The following ATRNL1 variants were observed in gnomAD, a reference collection of about 807,000 sequenced individuals.
The protein encoded by ATRNL1 is attractin like 1, also known as attractin-like protein 1.
Under a neutral mutation model 182.7 loss-of-function variants are expected in ATRNL1, and 95 were observed. That is an observed-to-expected ratio of 0.52 (90% confidence interval 0.44 to 0.62). ATRNL1 has a LOEUF of 0.62. Among genes scored for constraint, ATRNL1 ranks in the 20% least tolerant of loss-of-function variants. The pLI, the probability that ATRNL1 is intolerant of heterozygous loss-of-function variation, is 0.00. For missense variants in ATRNL1, 1,471 were observed against 1,679.5 expected, an observed-to-expected ratio of 0.88 and a Z score of 2.17; for synonymous variants, 576 against 568.3, an observed-to-expected ratio of 1.01 and a Z score of -0.19.
chr10:115,766,117 A>C (rs1948854298), intron 27 of ATRNL1, among the ~76,000 whole-genome samples: 1 of 152,162 alleles, frequency 6.6e-6, no homozygotes, highest in Admixed American at 6.5e-5. Flanking sequence ...TTTGTTTCCT[A>C]CTGTAACCCT....
intron 6 of ATRNL1, 91 bp downstream of exon 6, chr10:115,160,305 G>C (rs1846722229): frequency 7.8e-7 from 1 of 1,288,414 alleles, no homozygotes; most frequent in Non-Finnish European, 1.1e-6. Flanking sequence ...GAGAGTAAAA[G>C]TGGTTATTTT....
chr10:115,483,777 AG>A (rs1349877677), intron 24 of ATRNL1, among the ~76,000 whole-genome samples: 1 of 151,674 alleles, frequency 6.6e-6, no homozygotes, highest in African/African-American at 2.4e-5. Flanking sequence ...TGATTTTTAA[AG>A]CATTTTATAT....
intron 28 of ATRNL1, among the ~76,000 whole-genome samples, chr10:115,865,715 C>A (rs1951425274): frequency 6.6e-6 from 1 of 152,074 alleles, no homozygotes. Flanking sequence ...AAGTTGCAGA[C>A]CTGATTTTAG....
chr10:115,811,591 C>A (rs1950048027), intron 27 of ATRNL1, among the ~76,000 whole-genome samples: 1 of 151,896 alleles, frequency 6.6e-6, no homozygotes, highest in Non-Finnish European at 1.5e-5. Flanking sequence ...TTATTTATTT[C>A]TTCTGTATAT....
At chr10:115,664,526 C>T (rs1555039104) in intron 26 of ATRNL1, among the ~76,000 whole-genome samples, 2 of 151,978 alleles carry the variant, frequency 1.3e-5, no homozygotes, top group Non-Finnish European at 2.9e-5. Flanking sequence ...TGTCCTATCA[C>T]GGTGTATAAA....
intron 27 of ATRNL1, among the ~76,000 whole-genome samples, chr10:115,828,258 G>A (rs186873873): frequency 2.0e-4 from 30 of 151,940 alleles, no homozygotes; most frequent in Non-Finnish European, 2.8e-4. Context: ...CAGAGGTTGC[G>A]GTGAGCCGAA....
At chr10:115,109,507 A>G (rs1844169208) in intron 1 of ATRNL1, among the ~76,000 whole-genome samples, 2 of 152,174 alleles carry the variant, frequency 1.3e-5, no homozygotes. Flanking sequence ...CATTCCTGCA[A>G]TAACAGCATT....
At chr10:115,296,248 A>G (rs572202925) in intron 15 of ATRNL1, among the ~76,000 whole-genome samples, 3 of 152,150 alleles carry the variant, frequency 2.0e-5, no homozygotes, top group Non-Finnish European at 4.4e-5. Context: ...GGGTGCCTCC[A>G]TGCTGCCTTT....
chr10:115,199,082 A>G (rs1848460626), intron 8 of ATRNL1, among the ~76,000 whole-genome samples: 2 of 152,238 alleles, frequency 1.3e-5, no homozygotes, highest in South Asian at 4.1e-4. Context: ...GAATCTGTAG[A>G]TCACTGTGGG....
At chr10:115,919,001 C>G (rs1426428868) in intron 28 of ATRNL1, among the ~76,000 whole-genome samples, 1 of 152,154 alleles carries the variant, frequency 6.6e-6, no homozygotes, top group Non-Finnish European at 1.5e-5. Flanking sequence ...AATAAAACTT[C>G]TAGACATAAA....
At chr10:115,800,744 T>TTC (rs1409382137) in intron 27 of ATRNL1, among the ~76,000 whole-genome samples, 1 of 152,132 alleles carries the variant, frequency 6.6e-6, no homozygotes, top group Non-Finnish European at 1.5e-5. Flanking sequence ...AGGGTGAGTT[T>TTC]TCTCTCTCTC....
chr10:115,352,541 C>A (rs1120235), intron 19 of ATRNL1, among the ~76,000 whole-genome samples: 148,151 of 152,260 alleles, frequency 0.97, 72,198 homozygotes, highest in East Asian at 1. Flanking sequence ...TTAATGTTTT[C>A]ATTCCTTCAG....
intron 27 of ATRNL1, among the ~76,000 whole-genome samples, chr10:115,755,861 TATTCAGGG>T (rs1218744006): frequency 9.2e-5 from 14 of 152,328 alleles, no homozygotes; most frequent in African/African-American, 3.4e-4. Flanking sequence ...GTTATTGGTC[TATTCAGGG>T]ATTCGACTTC....
At chr10:115,218,433 T>C (rs1849314739) in intron 9 of ATRNL1, among the ~76,000 whole-genome samples, 1 of 152,212 alleles carries the variant, frequency 6.6e-6, no homozygotes, top group African/African-American at 2.4e-5. Flanking sequence ...TCATTTGCGA[T>C]CTCATGCAGT....
At chr10:115,928,099 T>C (rs1953288471) in intron 28 of ATRNL1, among the ~76,000 whole-genome samples, 1 of 152,086 alleles carries the variant, frequency 6.6e-6, no homozygotes, top group Admixed American at 6.6e-5. Context: ...AATTCTCTAG[T>C]GCTATGAATA....
At chr10:115,737,281 A>C (rs1363976042) in intron 27 of ATRNL1, among the ~76,000 whole-genome samples, 97 of 140,972 alleles carry the variant, frequency 6.9e-4, no homozygotes, top group African/African-American at 2.2e-3. Flanking sequence ...CCCCCCCCCC[A>C]AAAAAAAAGG....
chr10:115,193,411 A>G (rs1324866456), intron 8 of ATRNL1, among the ~76,000 whole-genome samples: 1 of 151,922 alleles, frequency 6.6e-6, no homozygotes, highest in Non-Finnish European at 1.5e-5. Flanking sequence ...GCTATGTGTT[A>G]TTGACCTACT....
At chr10:115,245,630 T>C (rs2133829071) in intron 10 of ATRNL1, among the ~76,000 whole-genome samples, 1 of 152,240 alleles carries the variant, frequency 6.6e-6, no homozygotes, top group South Asian at 2.1e-4. Flanking sequence ...GGCATATAAT[T>C]TCATAGCAAA....
In ATRNL1 at chr10:115,534,132, G is replaced by A. The variant is rs1270964566; in HGVS notation, c.3716+14808G>A. 4.6e-5 allele frequency among the ~76,000 whole-genome samples: 7 copies of A among 152,180 alleles called. No homozygotes were observed. In the East Asian group the frequency reaches 1.4e-3, roughly 29 times the overall value. On this transcript the variant is annotated intron_variant, in intron 25 of 28. Transcript: ENST00000355044. The stretch of plus-strand genomic sequence containing the variant: ...ATGTCTATTAGGTCTGCTTGGTGCA[G>A]AGCTGAGTTCAATTCCTGGGTATCC...
Sources: allele counts gnomAD v4.1 joint callset (sites outside exome capture counted in the v4.1 genomes callset), GRCh38; gene constraint gnomAD v4.1.1; transcripts MANE v1.5; gene names NCBI Gene and HGNC (gene_info 2026-07-23, HGNC 2026-07-21).